The following ITSN1 variants were observed in gnomAD, a reference collection of about 807,000 sequenced individuals.
ITSN1 encodes the protein intersectin-1.
ITSN1 carries 58 observed loss-of-function variants against 239.8 expected under a neutral mutation model. The observed-to-expected ratio is 0.24, with a 90% CI of 0.20 to 0.30. The LOEUF (loss-of-function observed/expected upper bound fraction) is 0.30. ITSN1 is among the 10% of genes least tolerant of loss of function. The pLI is 1.00. For synonymous variants in ITSN1, 780 were observed against 770.8 expected (o/e 1.01, Z -0.20); for missense variants, 1,558 against 2,103.3 (o/e 0.74, Z 5.07).
chr21:33,729,508 A>G (rs2147191634), intron 4 of ITSN1, among the ~76,000 whole-genome samples: 1 of 152,270 alleles, frequency 6.6e-6, no homozygotes, highest in East Asian at 1.9e-4. Flanking sequence ...ACCAAAAAGT[A>G]TCTGAGACAA....
intron 1 of ITSN1, among the ~76,000 whole-genome samples, chr21:33,714,318 T>C (rs1202297700): frequency 6.6e-6 from 1 of 151,986 alleles, no homozygotes; most frequent in African/African-American, 2.4e-5. Context: ...GTGGAGTCCC[T>C]TTGGTTGTCA....
chr21:33,679,959 A>G (rs2090843772), intron 1 of ITSN1, among the ~76,000 whole-genome samples: 1 of 152,274 alleles, frequency 6.6e-6, no homozygotes, highest in African/African-American at 2.4e-5. Context: ...GGTCCTCCCA[A>G]AGTGCTGGGA....
At chr21:33,868,952 G>A (rs532224576) in intron 33 of ITSN1, among the ~76,000 whole-genome samples, 7 of 150,282 alleles carry the variant, frequency 4.7e-5, no homozygotes, top group East Asian at 3.9e-4. Context: ...GAGCTTAGTC[G>A]TTGATTCTTT....
chr21:33,776,611 T>G (rs1302183027), intron 14 of ITSN1, among the ~76,000 whole-genome samples: 5 of 150,950 alleles, frequency 3.3e-5, no homozygotes, highest in Non-Finnish European at 7.4e-5. Context: ...CTGCAAAGAG[T>G]TTGTACCATT....
chr21:33,786,090 T>C (rs557313252), intron 16 of ITSN1, among the ~76,000 whole-genome samples: 4 of 152,358 alleles, frequency 2.6e-5, no homozygotes, highest in East Asian at 1.9e-4. Context: ...TTTGTACTTA[T>C]GCTGCCCTTG....
At chr21:33,840,315 T>C (rs2074778554) in intron 29 of ITSN1, among the ~76,000 whole-genome samples, 1 of 152,240 alleles carries the variant, frequency 6.6e-6, no homozygotes, top group Admixed American at 6.5e-5. Context: ...GCCTCAGAGT[T>C]TAAAGGTGTC....
intron 1 of ITSN1, among the ~76,000 whole-genome samples, chr21:33,715,745 G>A (rs1417198591): frequency 6.6e-6 from 1 of 152,008 alleles, no homozygotes; most frequent in African/African-American, 2.4e-5. Flanking sequence ...AATCTCAAAG[G>A]AAGCTTAAAA....
chr21:33,661,286 A>G (rs183341767), intron 1 of ITSN1, among the ~76,000 whole-genome samples: 5 of 152,292 alleles, frequency 3.3e-5, no homozygotes, highest in Admixed American at 1.3e-4. Flanking sequence ...ATGATTGCAC[A>G]GTGATTTTCT....
At chr21:33,871,274 A>G (rs1385747930) in intron 33 of ITSN1, among the ~76,000 whole-genome samples, 2 of 152,210 alleles carry the variant, frequency 1.3e-5, no homozygotes, top group African/African-American at 4.8e-5. Context: ...CTCATGTATT[A>G]GTGTGGAAAG....
chr21:33,832,145 C>T (rs1854719100), intron 27 of ITSN1, among the ~76,000 whole-genome samples: 1 of 152,140 alleles, frequency 6.6e-6, no homozygotes, highest in African/African-American at 2.4e-5. Flanking sequence ...TTTGAAACAC[C>T]AGCACCCCCT....
chr21:33,815,094 G>A (rs927988670), intron 22 of ITSN1, among the ~76,000 whole-genome samples: 4 of 152,190 alleles, frequency 2.6e-5, no homozygotes, highest in Non-Finnish European at 5.9e-5. Context: ...GTGAACGTGG[G>A]ACCCTGTCTG....
At chr21:33,691,986 A>G (rs1397743456) in intron 1 of ITSN1, among the ~76,000 whole-genome samples, 3 of 152,232 alleles carry the variant, frequency 2.0e-5, no homozygotes, top group African/African-American at 7.2e-5. Flanking sequence ...CAGGCCTAGA[A>G]TGTATACATC....
intron 1 of ITSN1, among the ~76,000 whole-genome samples, chr21:33,697,679 A>G (rs2091856936): frequency 6.6e-6 from 1 of 152,188 alleles, no homozygotes; most frequent in Admixed American, 6.5e-5. Context: ...TATCTCAATC[A>G]GTGGTTCTTA....
At position 33,875,047 on chromosome 21, in the gene ITSN1, G is replaced by A. The variant is rs527965070; in HGVS notation, c.4174-307G>A. Among the ~76,000 whole-genome samples the A allele has an allele frequency of 3.9e-5, 6 of 152,340 alleles. No homozygotes were observed. The East Asian group carries it at 9.6e-4, about 24-fold the overall frequency. On this transcript the variant is annotated intron_variant, in intron 33 of 39. Coordinates refer to ENST00000381318, the MANE Select transcript of ITSN1 (RefSeq NM_003024.3). ...ATGTGTGGCTTGGGGTCCACCCTGC[G>A]ATGTTAACATTTTGCCGGACAGATC...
intron 29 of ITSN1, among the ~76,000 whole-genome samples, chr21:33,844,665 C>T (rs2074931838): frequency 6.6e-6 from 1 of 152,042 alleles, no homozygotes; most frequent in Non-Finnish European, 1.5e-5. Context: ...CTCTCAATAT[C>T]CAGACCTGCA....
chr21:33,686,238 A>AT lies in ITSN1; in HGVS notation c.-32-32548dup, dbSNP rs556853826. 3.1e-3 allele frequency among the ~76,000 whole-genome samples: 466 copies of AT among 148,974 alleles called. 2 individuals are homozygous for AT. The highest frequency in any genetic ancestry group is 8.0e-3 in the African/African-American group (328 of 40,810). On this transcript the variant is annotated intron_variant, in intron 1 of 39. Coordinates refer to ENST00000381318, the MANE Select transcript of ITSN1 (RefSeq NM_003024.3). ...ATGTTGTTAGAATTACTGTGATTAG[A>AT]TTTTTTTTTTTAATTTCCAAATGTA...
At chr21:33,847,538 C>A (rs548561181) in intron 29 of ITSN1, among the ~76,000 whole-genome samples, 1 of 152,368 alleles carries the variant, frequency 6.6e-6, no homozygotes, top group South Asian at 2.1e-4. Context: ...CTGTTCCATT[C>A]ATAAGATGAG....
rs752785640 is a variant in ITSN1, at chr21:33,794,452, AAAG to A, written c.1943_1945del (p.Glu648del). On this transcript the variant is annotated inframe_deletion, in exon 17 of 40. Transcript: ENST00000381318. ...AAAGATCATAGAATTAGAAAAACAA[AAAG>A]AAGAAGCCCAAAGGTGAGTCTTCTT... 19 of 1,612,732 alleles carry A rather than the reference AAAG, an allele frequency of 1.2e-5. No homozygotes were observed. The highest frequency in any genetic ancestry group is 1.4e-5 in the Non-Finnish European group (17 of 1,179,602).
chr21:33,810,853 A>C, intron 20 of ITSN1, 122 bp from the exon 21 acceptor site: 1 of 1,102,756 alleles, frequency 9.1e-7, no homozygotes, highest in Non-Finnish European at 1.4e-6. Context: ...ACTAAGATGA[A>C]GAGATTCCTA....
Sources: gnomAD v4.1 joint callset for allele counts (sites outside exome capture counted in the v4.1 genomes callset) on GRCh38, gnomAD v4.1.1 for gene constraint, MANE v1.5 for transcripts, NCBI Gene and HGNC (gene_info 2026-07-23, HGNC 2026-07-21) for gene names.